The following MYOZ2 variants were observed in gnomAD, a reference collection of about 807,000 sequenced individuals.
MYOZ2 encodes the protein myozenin-2.
MYOZ2 carries 19 observed loss-of-function variants against 25.4 expected under a neutral mutation model. The ratio of observed to expected loss-of-function variants is 0.75; its 90% CI spans 0.52 to 1.10. MYOZ2 has a LOEUF of 1.10. Ranked by LOEUF, MYOZ2 falls within the 50% of genes least tolerant of loss-of-function variation. The pLI, the probability that MYOZ2 is intolerant of heterozygous loss-of-function variation, is 0.00. For missense variants in MYOZ2, 270 were observed against 317.9 expected (o/e 0.85, Z 1.15); for synonymous variants, 92 against 106.9 (o/e 0.86, Z 0.86).
intron 4 of MYOZ2, among the ~76,000 whole-genome samples, chr4:119,160,026 G>A (rs913634546): frequency 6.6e-6 from 1 of 152,176 alleles, no homozygotes; most frequent in African/African-American, 2.4e-5. Context: ...GAATCAGACA[G>A]ATCTGGGTTC....
At chr4:119,159,043 G>A (rs1741648717) in intron 4 of MYOZ2, among the ~76,000 whole-genome samples, 1 of 152,126 alleles carries the variant, frequency 6.6e-6, no homozygotes, top group Non-Finnish European at 1.5e-5. Context: ...CACATTGCAT[G>A]CTGTTATCAA....
chr4:119,147,642 G>A (rs1741332854), intron 2 of MYOZ2, among the ~76,000 whole-genome samples: 2 of 151,738 alleles, frequency 1.3e-5, no homozygotes, highest in Non-Finnish European at 1.5e-5. Context: ...TACTCGGGAG[G>A]CTGAGGCAGG....
At chr4:119,183,167 A>G (rs1742221481) in intron 5 of MYOZ2, among the ~76,000 whole-genome samples, 1 of 152,194 alleles carries the variant, frequency 6.6e-6, no homozygotes, top group Admixed American at 6.5e-5. Flanking sequence ...ACAAAGATAC[A>G]TCAGAGAGAA....
chr4:119,148,718 G>A (rs142568483), intron 2 of MYOZ2, among the ~76,000 whole-genome samples: 2,389 of 115,464 alleles, frequency 0.021, 83 homozygotes, highest in African/African-American at 0.073. Flanking sequence ...TTTATTTCTC[G>A]ACTGAGATTT....
At chr4:119,160,329 T>A (rs1007094929) in intron 4 of MYOZ2, among the ~76,000 whole-genome samples, 7 of 151,950 alleles carry the variant, frequency 4.6e-5, no homozygotes, top group Non-Finnish European at 7.4e-5. Flanking sequence ...TTTTTTTTTT[T>A]TTATTAAATA....
In MYOZ2 at chr4:119,150,961, A is replaced by G; in HGVS notation, c.166A>G (p.Arg56Gly). ...ATCCCATCTCAGTAACCGTGGTGCC[A>G]GGCTATTTAAGATGCGTCAAAGAAG... ...ELSHLSNRGA[R>G]LFKMRQRRSD... Residue 56 changes from arginine to glycine, a missense_variant, in exon 3 of 6, where the codon AGG (arginine) becomes GGG (glycine). By Grantham distance (125) the Arg-to-Gly change is moderately radical. Coordinates refer to ENST00000307128, the MANE Select transcript of MYOZ2 (RefSeq NM_016599.5). 1 of 1,613,680 alleles carries G rather than the reference A, an allele frequency of 6.2e-7. No individual in the cohort carries two copies. The highest frequency in any genetic ancestry group is 8.5e-7 in the Non-Finnish European group (1 of 1,179,604).
At chr4:119,139,073 C>T (rs1179934212) in intron 2 of MYOZ2, among the ~76,000 whole-genome samples, 1 of 152,202 alleles carries the variant, frequency 6.6e-6, no homozygotes, top group Non-Finnish European at 1.5e-5. Flanking sequence ...CCACTAATCA[C>T]AACCCCAAAT....
chr4:119,161,395 A>G (rs1249990235), intron 4 of MYOZ2, among the ~76,000 whole-genome samples: 1 of 152,168 alleles, frequency 6.6e-6, no homozygotes, highest in Non-Finnish European at 1.5e-5. Context: ...AATTTGTTAT[A>G]GTGATTAGCC....
intron 2 of MYOZ2, among the ~76,000 whole-genome samples, chr4:119,138,348 T>A (rs1741083219): frequency 6.6e-6 from 1 of 152,184 alleles, no homozygotes; most frequent in Non-Finnish European, 1.5e-5. Context: ...ATGAAATAAC[T>A]TCAGTACTTT....
chr4:119,141,082 T>C (rs1444282261), intron 2 of MYOZ2, among the ~76,000 whole-genome samples: 1 of 152,174 alleles, frequency 6.6e-6, no homozygotes, highest in African/African-American at 2.4e-5. Context: ...TAGAAGAACA[T>C]ATTTTATGGA....
At chr4:119,166,123 C>T (rs569073975) in intron 5 of MYOZ2, among the ~76,000 whole-genome samples, 33 of 151,968 alleles carry the variant, frequency 2.2e-4, no homozygotes, top group Non-Finnish European at 3.1e-4. Context: ...TCTACATCAA[C>T]GTAGAAATAA....
chr4:119,173,542 C>T (rs527841098), intron 5 of MYOZ2, among the ~76,000 whole-genome samples: 3 of 152,320 alleles, frequency 2.0e-5, no homozygotes, highest in East Asian at 3.9e-4. Context: ...GCCTCAATGA[C>T]GCCAAAGAAA....
intron 5 of MYOZ2, among the ~76,000 whole-genome samples, chr4:119,177,793 C>T (rs1161673763): frequency 2.0e-5 from 3 of 152,128 alleles, no homozygotes; most frequent in African/African-American, 4.8e-5. Context: ...TGCAATTATT[C>T]CTTCTCTTGC....
chr4:119,148,924 T>A (rs78277783), intron 2 of MYOZ2, among the ~76,000 whole-genome samples: 34,751 of 152,026 alleles, frequency 0.23, 4,628 homozygotes, highest in South Asian at 0.35. Context: ...ATTTTTTTTT[T>A]AATTTTTCAT....
chr4:119,183,270 G>A (rs552451121), intron 5 of MYOZ2, among the ~76,000 whole-genome samples: 1 of 152,226 alleles, frequency 6.6e-6, no homozygotes, highest in East Asian at 1.9e-4. Context: ...CAGGGGAGGT[G>A]AAAATAGAAG....
At chr4:119,175,667 G>T (rs914652782) in intron 5 of MYOZ2, among the ~76,000 whole-genome samples, 1 of 151,780 alleles carries the variant, frequency 6.6e-6, no homozygotes, top group African/African-American at 2.4e-5. Flanking sequence ...CAGGAGACTG[G>T]TTTGAACCCA....
intron 2 of MYOZ2, among the ~76,000 whole-genome samples, chr4:119,137,098 C>A (rs1198661155): frequency 6.6e-6 from 1 of 151,784 alleles, no homozygotes; most frequent in South Asian, 2.1e-4. Context: ...TTTATTTAAC[C>A]CTTCATATTT....
At chr4:119,148,724 GATTT>G (rs1269657084) in intron 2 of MYOZ2, among the ~76,000 whole-genome samples, 2 of 73,922 alleles carry the variant, frequency 2.7e-5, no homozygotes, top group Non-Finnish European at 5.3e-5. Context: ...TCTCGACTGA[GATTT>G]TTTTTTTTTT....
chr4:119,181,055 T>C (rs1003351068), intron 5 of MYOZ2, among the ~76,000 whole-genome samples: 1 of 152,188 alleles, frequency 6.6e-6, no homozygotes, highest in Non-Finnish European at 1.5e-5. Flanking sequence ...CTGGTCACAG[T>C]CTTTTCTCCA....
Sources: gnomAD v4.1 joint callset for allele counts (sites outside exome capture counted in the v4.1 genomes callset) on GRCh38, gnomAD v4.1.1 for gene constraint, MANE v1.5 for transcripts, NCBI Gene and HGNC (gene_info 2026-07-23, HGNC 2026-07-21) for gene names.